PLEC: variants seen among roughly 807,000 people sequenced by gnomAD.
PLEC encodes plectin.
PLEC carries 216 observed loss-of-function variants against 392.8 expected under a neutral mutation model. The observed-to-expected ratio is 0.55, with a 90% CI of 0.49 to 0.62. The LOEUF is 0.62. Among genes scored for constraint, PLEC ranks in the 20% least tolerant of loss-of-function variants. The probability of loss-of-function intolerance (pLI) is 0.00; values close to 1 mark genes in which losing one functional copy is unlikely to be tolerated. For synonymous variants in PLEC, 3,621 were observed against 2,980.6 expected (o/e 1.21, Z -7.00); for missense variants, 6,863 against 6,563.4 (o/e 1.05, Z -1.58).
chr8:143,975,045 G>A (rs1587436814), upstream of PLEC: 1 of 1,022,172 alleles, frequency 9.8e-7, no homozygotes, highest in Non-Finnish European at 1.5e-6. This position sits in a 1 kb window ranked among gnomAD's most constrained non-coding sequence, Gnocchi z 9.9. Flanking sequence ...TGGGACGCGC[G>A]AGGCCCTCCG....
upstream of PLEC, chr8:143,958,695 T>C (rs1554739935): frequency 2.2e-6 from 1 of 452,838 alleles, no homozygotes; most frequent in Non-Finnish European, 4.5e-6. The surrounding 1 kb of genome is among the most constrained non-coding windows in gnomAD (Gnocchi z 4.9). Flanking sequence ...CGCAGGCACC[T>C]GCTCTGCTGC....
upstream of PLEC, chr8:143,953,726 C>T: frequency 6.2e-7 from 1 of 1,611,858 alleles, no homozygotes; most frequent in Non-Finnish European, 8.5e-7. Flanking sequence ...AGGACCGCAC[C>T]TTTGAGGGAG....
At chr8:143,933,894 C>T (rs1828140391) in intron 12 of PLEC, 104 bp downstream of exon 12, 1 of 1,009,158 alleles carries the variant, frequency 9.9e-7, no homozygotes, top group Non-Finnish European at 1.5e-6. Flanking sequence ...CTGCCCCTGC[C>T]CCAGGAGCCC....
upstream of PLEC, chr8:143,958,477 C>T (rs1370427340): frequency 6.4e-6 from 2 of 312,640 alleles, no homozygotes; most frequent in Non-Finnish European, 1.3e-5. The surrounding 1 kb of genome is among the most constrained non-coding windows in gnomAD (Gnocchi z 4.9). Context: ...CATTAGGGGG[C>T]CCATCGTTCC....
Position 143,923,683 on chromosome 8 carries a change from C to G in PLEC, c.6246G>C (p.Glu2082Asp), listed in dbSNP as rs1440664187. The G allele has an allele frequency of 6.5e-7, 1 of 1,548,744 alleles. No individual in the cohort carries two copies. Among genetic ancestry groups the G allele is most frequent in the Middle Eastern group, 1.7e-4 (1 of 5,764 alleles). Residue 2082 changes from glutamate to aspartate, a missense_variant, in exon 31 of 32, where the codon GAG becomes GAC. Glu to Asp is a conservative substitution (Grantham distance 45). Coordinates refer to ENST00000345136, the MANE Select transcript of PLEC (RefSeq NM_201384.3). ...EQSVLDQLRG[E>D]AEAARRAAEE... is the part of the protein sequence containing the mutation. ...CAGCCGCCCGCCGGGCCGCCTCCGC[C>G]TCGCCGCGCAGCTGGTCCAGCACGC...
At position 143,929,700 on chromosome 8, in the gene PLEC, C is replaced by G. The variant is rs1554711652; in HGVS notation, c.2869G>C (p.Glu957Gln). 6.3e-7 allele frequency: 1 copy of G among 1,599,300 alleles called. No individual in the cohort carries two copies. The highest frequency in any genetic ancestry group is 8.5e-7 in the Non-Finnish European group (1 of 1,179,210). The part of the protein sequence containing the change: ...GPEDRLMAER[E>Q]YGSCSHHYQQ... ...TAGTGGTGGCTGCAGGAGCCGTACT[C>G]GCGCTCAGCCATCAGCCGGTCCTCG... Residue 957 changes from glutamate to glutamine, a missense_variant, in exon 23 of 32, where the codon GAG (glutamate) becomes CAG (glutamine). Physicochemically the swap from Glu to Gln is conservative, Grantham distance 29 (BLOSUM62 2). Transcript: ENST00000345136.
At chr8:143,960,297 A>ATAC (rs1193163542) in intron 1 of PLEC, among the ~76,000 whole-genome samples, 1 of 151,320 alleles carries the variant, frequency 6.6e-6, no homozygotes, top group Non-Finnish European at 1.5e-5. Flanking sequence ...AATAATAATA[A>ATAC]TAATAATAAA....
chr8:143,923,443 T>G lies in PLEC; in HGVS notation c.6486A>C (p.Ala2162=), dbSNP rs797044714. 25 of 1,608,586 alleles carry G rather than the reference T, an allele frequency of 1.6e-5. No individual in the cohort carries two copies. The highest frequency in any genetic ancestry group is 2.0e-5 in the Non-Finnish European group (24 of 1,179,726). ...TATGCTTCTCCATCTCCGCGTCAGC[T>G]GCCTGCTTCTGCCGCAGGGCCGCCT... is the stretch of plus-strand genomic sequence containing the variant. ...AEQAALRQKQ[A]ADAEMEKHKK... Residue 2162 remains alanine, a synonymous_variant, in exon 31 of 32, where the codon GCA becomes GCC. Transcript: ENST00000345136.
chr8:143,971,664 G>C (rs1392153508), intron 1 of PLEC, among the ~76,000 whole-genome samples: 1 of 152,168 alleles, frequency 6.6e-6, no homozygotes, highest in African/African-American at 2.4e-5. Flanking sequence ...AAGGAGACTT[G>C]GGGTACCTGG....
Position 143,927,716 on chromosome 8 carries a change from C to A in PLEC, c.3450G>T (p.Arg1150=). 1 of 1,591,324 alleles carries A rather than the reference C, an allele frequency of 6.3e-7. No homozygotes were observed. The highest frequency in any genetic ancestry group is 2.3e-5 in the East Asian group (1 of 43,700). ...CCTCCTGTGCCCCCCGCAGCTCATC[C>A]CGCAGGGCGTCGAACGTGGGCTGCT... ...EAQQPTFDAL[R]DELRGAQEVG... is the part of the protein sequence containing the mutation. The change falls in exon 27 of 32, where the codon CGG becomes CGT. Residue 1150 remains arginine (R), a synonymous_variant. Transcript: ENST00000345136.
Position 143,920,882 on chromosome 8 carries a change from A to G in PLEC, c.8939T>C (p.Leu2980Pro). ...GRLCFEGLRSLVPAAELLESR... is the reference protein window; with the variant it reads ...GRLCFEGLRSPVPAAELLESR... Reference sequence around the variant, plus strand: ...CTCCAGCAGCTCGGCGGCTGGCACCAGGCTGCGCAGGCCCTCAAAGCAAAG... The same window carrying G: ...CTCCAGCAGCTCGGCGGCTGGCACCGGGCTGCGCAGGCCCTCAAAGCAAAG... The change falls in exon 32 of 32, where the codon CTG becomes CCG. Residue 2980 changes from leucine (L) to proline (P), a missense_variant. Transcript: ENST00000345136. 4 of 1,611,318 alleles carry G rather than the reference A, an allele frequency of 2.5e-6. No homozygotes were observed. The highest frequency in any genetic ancestry group is 3.4e-6 in the Non-Finnish European group (4 of 1,179,952).
upstream of PLEC, chr8:143,943,695 G>A: frequency 7.8e-7 from 1 of 1,280,956 alleles, no homozygotes; most frequent in Non-Finnish European, 1.1e-6. Context: ...AACAGGAAGG[G>A]GAGGGCGCAG....
At chr8:143,967,591 A>G (rs958567441) in intron 1 of PLEC, among the ~76,000 whole-genome samples, 4 of 152,094 alleles carry the variant, frequency 2.6e-5, no homozygotes, top group African/African-American at 7.2e-5. Flanking sequence ...CTCCCCATGG[A>G]TACCAGAATC....
intron 10 of PLEC, 69 bp downstream of exon 10, chr8:143,934,566 G>A (rs1462426215): frequency 1.9e-6 from 3 of 1,600,550 alleles, no homozygotes; most frequent in African/African-American, 2.7e-5. Flanking sequence ...GGCCAGGTCG[G>A]CTCCGGAAGA....
rs1820547847 is a variant in PLEC at position 143,916,364 on chromosome 8, GTA to G, written c.13455_13456del (p.Thr4486ArgfsTer21). 1 of 1,607,606 alleles carries G rather than the reference GTA, an allele frequency of 6.2e-7. No individual in the cohort carries two copies. The highest frequency in any genetic ancestry group is 8.5e-7 in the Non-Finnish European group (1 of 1,177,494). On this transcript the variant is annotated frameshift_variant, in exon 32 of 32. Coordinates refer to ENST00000345136, the MANE Select transcript of PLEC (RefSeq NM_201384.3). LOFTEE classifies it high-confidence loss of function. ...GCGCGAGCCGGTGCGGGAGCCAGCG[GTA>G]GAGCCGGAGCCGCTGACGCTGTAGG...
Position 143,937,152 on chromosome 8 carries a change from C to G in PLEC, c.342+13G>C. 1.2e-6 allele frequency: 2 copies of G among 1,611,606 alleles called. No homozygotes were observed. The highest frequency in any genetic ancestry group is 1.7e-6 in the Non-Finnish European group (2 of 1,178,876). ...GGTCTGGGTGGGGCCCAGGGCCTGC[C>G]GGGCAGCCTTACCTGGCGGTGCCGG... is the stretch of plus-strand genomic sequence containing the variant. On this transcript the variant is annotated intron_variant, in intron 4 of 31. Transcript: ENST00000345136.
At position 143,932,211 on chromosome 8, in the gene PLEC, C is replaced by G. The variant is rs782288857; in HGVS notation, c.2001G>C (p.Leu667=). Residue 667 remains leucine, a synonymous_variant, in exon 17 of 32, where the codon CTG becomes CTC. Coordinates refer to ENST00000345136, the MANE Select transcript of PLEC (RefSeq NM_201384.3). ...GGAGCTCCTTGATCTTCTTCTCCTT[C>G]AGCTCCAGCTCCCGCATCAGCGCCT... ...SYSALMRELE[L]KEKKIKELQN... The G allele has an allele frequency of 1.2e-6, 2 of 1,612,360 alleles. No homozygotes were observed. The highest frequency in any genetic ancestry group is 1.7e-5 in the Admixed American group (1 of 60,012).
Position 143,969,998 on chromosome 8 carries a change from G to A in PLEC, c.70+3405C>T, listed in dbSNP as rs961910745. On this transcript the variant is annotated intron_variant, in intron 1 of 31. Transcript: ENST00000356346. The surrounding 1 kb of genome is among the most constrained non-coding windows in gnomAD (Gnocchi z 5.1). ...AGGGCGTGTGCCCAGCCTGTGGCCTGCACTCTCTTCAGGACCCCTTGCCAG... is the reference window on the plus strand; with the variant it reads ...AGGGCGTGTGCCCAGCCTGTGGCCTACACTCTCTTCAGGACCCCTTGCCAG... Among the ~76,000 whole-genome samples, 4 of 152,080 alleles carry A rather than the reference G, an allele frequency of 2.6e-5. No individual in the cohort carries two copies. The highest frequency in any genetic ancestry group is 9.7e-5 in the African/African-American group (4 of 41,402).
rs371122460 is a variant in PLEC, at chr8:143,929,801, C to A, written c.2768G>T (p.Arg923Leu). The A allele has an allele frequency of 6.3e-7, 1 of 1,599,218 alleles. No individual in the cohort carries two copies. The highest frequency in any genetic ancestry group is 8.5e-7 in the Non-Finnish European group (1 of 1,178,304). ...TFRTLKPEEQRQALHSLELHY... is the reference protein window; with the variant it reads ...TFRTLKPEEQLQALHSLELHY... ...CAGCTCCAGGCTGTGCAGGGCTTGG[C>A]GCTGCTCCTCTGGCTTCAGGGTGCG... Residue 923 changes from arginine to leucine, a missense_variant, in exon 23 of 32, where the codon CGC becomes CTC. Physicochemically the swap from Arg to Leu is moderately radical, Grantham distance 102. Transcript: ENST00000345136.
Sources: gnomAD v4.1 joint callset for allele counts (sites outside exome capture counted in the v4.1 genomes callset) on GRCh38, gnomAD v4.1.1 for gene constraint, Gnocchi (gnomAD v3.1) non-coding constraint, MANE v1.5 for transcripts, NCBI Gene and HGNC (gene_info 2026-07-23, HGNC 2026-07-21) for gene names.